Variants in CLSTN1 observed in about 807,000 individuals in gnomAD.
The protein encoded by CLSTN1 is calsyntenin-1.
In CLSTN1, 28 loss-of-function variants were observed where a neutral mutation model predicts 108.3. That is an observed-to-expected ratio of 0.26 (90% CI 0.19 to 0.35). The LOEUF (loss-of-function observed/expected upper bound fraction) is 0.35. CLSTN1 is among the 10% of genes least tolerant of loss of function. CLSTN1 has a pLI of 1.00. For synonymous variants in CLSTN1, 524 were observed against 534.9 expected (o/e 0.98, Z 0.28); for missense variants, 1,157 against 1,302.6 (o/e 0.89, Z 1.72).
Position 9,744,635 on chromosome 1 carries a change from C to T in CLSTN1, c.994G>A (p.Ala332Thr), listed in dbSNP as rs7550295. The T allele has an allele frequency of 0.08, 128,889 of 1,608,466 alleles. 9,706 individuals carry two copies. Among genetic ancestry groups the T allele is most frequent in the South Asian group, 0.27 (24,720 of 90,788 alleles). ...GATGGCAGCAGCTCGGCAGTGCCCGCGGCCGCACCTGAAGCCACAGTGCTC... is the reference window on the plus strand; with the variant it reads ...GATGGCAGCAGCTCGGCAGTGCCCGTGGCCGCACCTGAAGCCACAGTGCTC... Reference protein sequence around the residue: ...KSLHRLCGAAAGTAELLPSPS... With the variant: ...KSLHRLCGAATGTAELLPSPS... The change falls in exon 8 of 19, where the codon GCG (alanine) becomes ACG (threonine). Residue 332 changes from alanine (A) to threonine (T), a missense_variant. Ala to Thr is a moderately conservative substitution (Grantham distance 58). Coordinates refer to ENST00000377298, the MANE Select transcript of CLSTN1 (RefSeq NM_001009566.3).
chr1:9,754,213 C>A (rs1651702805), intron 4 of CLSTN1, among the ~76,000 whole-genome samples: 1 of 151,972 alleles, frequency 6.6e-6, no homozygotes, highest in Non-Finnish European at 1.5e-5. Context: ...TAATGTAGGG[C>A]CTTTACTTCT....
chr1:9,746,099 C>T (rs1397110031), intron 7 of CLSTN1, among the ~76,000 whole-genome samples: 1 of 152,108 alleles, frequency 6.6e-6, no homozygotes, highest in Non-Finnish European at 1.5e-5. Context: ...GATACAGCAT[C>T]ACCTACTGAC....
chr1:9,740,812 C>A (rs766051217), intron 10 of CLSTN1, among the ~76,000 whole-genome samples: 1 of 152,194 alleles, frequency 6.6e-6, no homozygotes, highest in African/African-American at 2.4e-5. Flanking sequence ...ACAGTTCCCC[C>A]CACTACACGC....
chr1:9,769,979 G>A (rs1242268640), intron 2 of CLSTN1, among the ~76,000 whole-genome samples: 2 of 149,554 alleles, frequency 1.3e-5, no homozygotes, highest in African/African-American at 2.5e-5. Context: ...GCAGTGAGCC[G>A]AGATCGCGCC....
At position 9,730,719 on chromosome 1, in the gene CLSTN1, G is replaced by T; in HGVS notation, c.2749-14C>A. ...GTCCTCATAGGTCTGGCAAGGAGAA[G>T]TGACGGCCACATGAGTCCGGCCCTG... On this transcript the variant is annotated splice_polypyrimidine_tract_variant and intron_variant, in intron 18 of 18. Transcript: ENST00000377298. The surrounding 1 kb of genome is among the most constrained non-coding windows in gnomAD (Gnocchi z 5.6). The T allele has an allele frequency of 6.3e-7, 1 of 1,585,708 alleles. No homozygotes were observed. Among genetic ancestry groups the T allele is most frequent in the Admixed American group, 1.8e-5 (1 of 56,118 alleles).
intron 8 of CLSTN1, 55 bp downstream of exon 8, chr1:9,744,340 C>T: frequency 1.3e-6 from 2 of 1,549,802 alleles, no homozygotes; most frequent in East Asian, 2.3e-5. Flanking sequence ...CTGCCGCTGG[C>T]ACCCACCCTA....
intron 2 of CLSTN1, 29 bp downstream of exon 2, chr1:9,773,233 GCCCGATTCAT>G (rs1652774872): frequency 1.2e-6 from 2 of 1,612,050 alleles, no homozygotes; most frequent in African/African-American, 2.7e-5. Flanking sequence ...TCCTGACCAG[GCCCGATTCAT>G]CAAGAGTCAA....
intron 7 of CLSTN1, among the ~76,000 whole-genome samples, chr1:9,745,860 C>T (rs1412742616): frequency 6.7e-6 from 1 of 149,504 alleles, no homozygotes; most frequent in African/African-American, 2.5e-5. Context: ...CCTTGACCTC[C>T]TGAGCTCAAG....
chr1:9,753,470 C>T (rs1170822793), intron 4 of CLSTN1, among the ~76,000 whole-genome samples: 1 of 152,026 alleles, frequency 6.6e-6, no homozygotes, highest in African/African-American at 2.4e-5. Flanking sequence ...AGCGAGCCAG[C>T]CTACTTCCAC....
intron 2 of CLSTN1, among the ~76,000 whole-genome samples, chr1:9,758,296 G>A (rs368631966): frequency 1.3e-4 from 19 of 143,078 alleles, no homozygotes; most frequent in African/African-American, 4.9e-4. Flanking sequence ...CCCAGCCCAC[G>A]TGCAGTTTTT....
chr1:9,764,106 AAGAG>A (rs772208381), intron 2 of CLSTN1, among the ~76,000 whole-genome samples: 30 of 120,806 alleles, frequency 2.5e-4, no homozygotes, highest in Middle Eastern at 3.8e-3. Flanking sequence ...GGGAGAAAGA[AAGAG>A]AGAGAGAGAG....
At chr1:9,775,457 A>T (rs1328592209) in intron 1 of CLSTN1, among the ~76,000 whole-genome samples, 2 of 151,748 alleles carry the variant, frequency 1.3e-5, no homozygotes, top group Admixed American at 1.3e-4. Context: ...TTCCCTGAGA[A>T]GATGATCATT....
At chr1:9,774,621 CCTCT>C (rs1652848212) in intron 1 of CLSTN1, among the ~76,000 whole-genome samples, 1 of 151,724 alleles carries the variant, frequency 6.6e-6, no homozygotes, top group Non-Finnish European at 1.5e-5. Flanking sequence ...TTCCAGCCTC[CCTCT>C]ATTATGAGCT....
chr1:9,774,022 G>A (rs781447421), intron 1 of CLSTN1, among the ~76,000 whole-genome samples: 2 of 151,932 alleles, frequency 1.3e-5, no homozygotes, highest in East Asian at 1.9e-4. Context: ...GATTACAGGC[G>A]TGAGCCACGG....
intron 13 of CLSTN1, 131 bp downstream of exon 13, chr1:9,735,336 C>A: frequency 1.4e-6 from 2 of 1,421,996 alleles, no homozygotes; most frequent in South Asian, 1.2e-5. Context: ...TCACTCAGCT[C>A]TCTGCCCCAC....
At chr1:9,782,851 A>G (rs1653311797) in intron 1 of CLSTN1, among the ~76,000 whole-genome samples, 1 of 151,884 alleles carries the variant, frequency 6.6e-6, no homozygotes, top group African/African-American at 2.4e-5. Flanking sequence ...TATTGAAAAT[A>G]CAAAAATTAG....
intron 5 of CLSTN1, among the ~76,000 whole-genome samples, chr1:9,750,352 A>C (rs1381549515): frequency 1.3e-5 from 2 of 152,204 alleles, no homozygotes; most frequent in Non-Finnish European, 2.9e-5. Context: ...TGGTGAGTAT[A>C]GATCTCTGGA....
At chr1:9,770,557 T>C (rs928543153) in intron 2 of CLSTN1, among the ~76,000 whole-genome samples, 1 of 152,220 alleles carries the variant, frequency 6.6e-6, no homozygotes, top group Admixed American at 6.5e-5. Flanking sequence ...AGCAATAGCT[T>C]AACTATTCTG....
intron 10 of CLSTN1, among the ~76,000 whole-genome samples, chr1:9,739,728 T>C (rs1650873469): frequency 6.6e-6 from 1 of 152,038 alleles, no homozygotes; most frequent in South Asian, 2.1e-4. Context: ...CTGGTGGGTC[T>C]GAGTGTGGGC....
Sources: allele counts gnomAD v4.1 joint callset (sites outside exome capture counted in the v4.1 genomes callset), GRCh38; gene constraint gnomAD v4.1.1; non-coding constraint Gnocchi (gnomAD v3.1); transcripts MANE v1.5; gene names NCBI Gene and HGNC (gene_info 2026-07-23, HGNC 2026-07-21).